EOGT: variants seen among roughly 807,000 people sequenced by gnomAD.
EOGT encodes EGF domain specific O-linked N-acetylglucosamine transferase.
A neutral mutation model predicts 70.5 loss-of-function variants in EOGT; 55 were observed. That is an observed-to-expected ratio of 0.78 (90% CI 0.63 to 0.98). The LOEUF is 0.98. EOGT is among the 50% of genes least tolerant of loss of function. The pLI is 0.00. For missense variants in EOGT, 703 were observed against 641.9 expected (o/e 1.10, Z -1.03); for synonymous variants, 246 against 217.1 (o/e 1.13, Z -1.17).
At chr3:68,988,850 ATAAATGTT>A in intron 11 of EOGT, 67 bp downstream of exon 11, 1 of 796,854 alleles carries the variant, frequency 1.3e-6, no homozygotes, top group South Asian at 1.8e-5. Flanking sequence ...GGAACTCATA[ATAAATGTT>A]TATTTTATGA....
At chr3:68,983,364 G>C (rs183357602) in intron 14 of EOGT, among the ~76,000 whole-genome samples, 1 of 152,290 alleles carries the variant, frequency 6.6e-6, no homozygotes, top group East Asian at 1.9e-4. Context: ...AAAATACTAA[G>C]GTCTTGGCAG....
Position 68,977,763 on chromosome 3 carries a change from C to T in EOGT, c.1439G>A (p.Gly480Asp), listed in dbSNP as rs1427343581. The T allele has an allele frequency of 6.2e-7, 1 of 1,608,242 alleles. No individual in the cohort carries two copies. Among genetic ancestry groups the T allele is most frequent in the Non-Finnish European group, 8.5e-7 (1 of 1,177,844 alleles). ...GTGCTCCCCCAGGGTTGGATGGTGGCCCTGTGAAAATAAACCAAAACACGA... is the reference window on the plus strand; with the variant it reads ...GTGCTCCCCCAGGGTTGGATGGTGGTCCTGTGAAAATAAACCAAAACACGA... ...RQNKVFPQDK[G>D]HHPTLGEHPK... The change falls in exon 18 of 18, where the codon GGC (glycine) becomes GAC (aspartate). Residue 480 changes from glycine to aspartate, a missense_variant and splice_region_variant. Physicochemically the swap from Gly to Asp is moderately conservative, Grantham distance 94. Coordinates refer to ENST00000383701, the MANE Select transcript of EOGT (RefSeq NM_001278689.2).
In EOGT at chr3:68,987,430, A is replaced by G; in HGVS notation, c.1152+15T>C. Reference sequence around the variant, plus strand: ...TTGAATATGAAGGCATTAAAAATGCATACCAAAAACTAACCTCATTTTGGT... The same window carrying G: ...TTGAATATGAAGGCATTAAAAATGCGTACCAAAAACTAACCTCATTTTGGT... On this transcript the variant is annotated intron_variant, in intron 14 of 17. Coordinates refer to ENST00000383701, the MANE Select transcript of EOGT (RefSeq NM_001278689.2). The G allele has an allele frequency of 6.9e-6, 11 of 1,592,564 alleles. No individual in the cohort carries two copies. The highest frequency in any genetic ancestry group is 9.5e-6 in the Non-Finnish European group (11 of 1,162,216).
chr3:69,009,933 C>CAACAAAAAAAA, intron 3 of EOGT, 73 bp from the exon 4 acceptor site: 13 of 255,144 alleles, frequency 5.1e-5, no homozygotes, highest in South Asian at 2.8e-4. Flanking sequence ...ACAACAACAA[C>CAACAAAAAAAA]AAAAAAAAAA....
chr3:69,001,310 G>C (rs2091287754), intron 9 of EOGT, among the ~76,000 whole-genome samples: 2 of 152,066 alleles, frequency 1.3e-5, no homozygotes, highest in Admixed American at 6.6e-5. Context: ...CAAGTGATTA[G>C]AGAAACCAGA....
At chr3:68,990,442 T>C (rs972764282) in intron 10 of EOGT, among the ~76,000 whole-genome samples, 6 of 136,002 alleles carry the variant, frequency 4.4e-5, no homozygotes, top group Non-Finnish European at 7.6e-5. Flanking sequence ...AACCTCCACC[T>C]CCCAAGTTCA....
chr3:68,992,300 G>C (rs1441298143), intron 10 of EOGT, among the ~76,000 whole-genome samples: 1 of 152,182 alleles, frequency 6.6e-6, no homozygotes, highest in Non-Finnish European at 1.5e-5. Context: ...AGATACGATG[G>C]GGATACACGT....
intron 15 of EOGT, among the ~76,000 whole-genome samples, chr3:68,980,366 T>C (rs543488149): frequency 4.5e-4 from 69 of 152,348 alleles, no homozygotes; most frequent in African/African-American, 1.6e-3. Context: ...CAGGGCATTA[T>C]CCTGCCTTTG....
intron 3 of EOGT, among the ~76,000 whole-genome samples, chr3:69,010,471 C>A (rs994342782): frequency 2.0e-5 from 3 of 152,184 alleles, no homozygotes; most frequent in Non-Finnish European, 4.4e-5. Context: ...GCTTAACCAC[C>A]TGGATTTGAA....
At position 69,004,367 on chromosome 3, in the gene EOGT, A is replaced by C; in HGVS notation, c.620+11T>G. On this transcript the variant is annotated intron_variant, in intron 8 of 17. Transcript: ENST00000383701. ...AATATTTCCGAAACAGATACGTTAA[A>C]AATATCTTACCATGACTGCAGAGGG... is the stretch of plus-strand genomic sequence containing the variant. The C allele has an allele frequency of 6.2e-7, 1 of 1,602,442 alleles. No homozygotes were observed. The highest frequency in any genetic ancestry group is 8.5e-7 in the Non-Finnish European group (1 of 1,171,642).
At chr3:68,979,577 A>G (rs773908574) in intron 16 of EOGT, 91 bp downstream of exon 16, 2 of 1,370,290 alleles carry the variant, frequency 1.5e-6, no homozygotes, top group African/African-American at 1.5e-5. Flanking sequence ...ATGATTAAAT[A>G]TTAAGCCTTT....
intron 10 of EOGT, among the ~76,000 whole-genome samples, chr3:68,989,783 A>G (rs1015786350): frequency 6.7e-6 from 1 of 150,226 alleles, no homozygotes; most frequent in Non-Finnish European, 1.5e-5. Flanking sequence ...AAGGTTTAAC[A>G]TTAAAAATAT....
chr3:68,989,299 G>A (rs190230579), intron 10 of EOGT, among the ~76,000 whole-genome samples: 1 of 152,148 alleles, frequency 6.6e-6, no homozygotes, highest in Admixed American at 6.5e-5. Context: ...TTGTAGTTCA[G>A]GGCTTTTTCC....
chr3:69,006,229 A>G (rs1185219701), intron 6 of EOGT, among the ~76,000 whole-genome samples: 1 of 152,178 alleles, frequency 6.6e-6, no homozygotes, highest in Non-Finnish European at 1.5e-5. Context: ...GAACAGCTAG[A>G]CTTGAGCCAA....
chr3:68,992,124 GT>G (rs1690146905), intron 10 of EOGT, among the ~76,000 whole-genome samples: 1 of 152,072 alleles, frequency 6.6e-6, no homozygotes, highest in South Asian at 2.1e-4. Context: ...TCTAAATCTC[GT>G]GTCCCCACAT....
intron 4 of EOGT, among the ~76,000 whole-genome samples, 197 bp from the exon 5 acceptor site, chr3:69,008,725 C>T (rs1160337724): frequency 2.0e-5 from 3 of 152,210 alleles, no homozygotes; most frequent in Non-Finnish European, 2.9e-5. Flanking sequence ...CCTCCTTACT[C>T]ATCACCCCCA....
intron 14 of EOGT, among the ~76,000 whole-genome samples, chr3:68,984,701 C>T (rs146991369): frequency 6.6e-5 from 10 of 152,242 alleles, no homozygotes; most frequent in Non-Finnish European, 1.3e-4. Flanking sequence ...GATCAAATTT[C>T]GCCTTTGGGT....
At chr3:68,992,533 C>T (rs552467857) in intron 10 of EOGT, among the ~76,000 whole-genome samples, 9 of 152,204 alleles carry the variant, frequency 5.9e-5, no homozygotes, top group Non-Finnish European at 1.3e-4. Flanking sequence ...AGCCTCCCTT[C>T]TGGCTGCTTT....
At chr3:69,003,875 T>G (rs1056622073) in intron 8 of EOGT, among the ~76,000 whole-genome samples, 1 of 152,194 alleles carries the variant, frequency 6.6e-6, no homozygotes, top group Non-Finnish European at 1.5e-5. Context: ...TTAATATATG[T>G]GTATTGTTTT....
Sources: gnomAD v4.1 joint callset for allele counts (sites outside exome capture counted in the v4.1 genomes callset) on GRCh38, gnomAD v4.1.1 for gene constraint, MANE v1.5 for transcripts, NCBI Gene and HGNC (gene_info 2026-07-23, HGNC 2026-07-21) for gene names.